The following NKAIN2 variants were observed in gnomAD, a reference collection of about 807,000 sequenced individuals.
NKAIN2 encodes the protein sodium/potassium-transporting ATPase subunit beta-1-interacting protein 2.
In NKAIN2, 14 loss-of-function variants were observed where a neutral mutation model predicts 32.6. That is an observed-to-expected ratio of 0.43 (90% CI 0.28 to 0.67). NKAIN2 has a LOEUF of 0.67. Ranked by LOEUF, NKAIN2 falls within the 30% of genes least tolerant of loss-of-function variation. The probability of loss-of-function intolerance (pLI) is 0.17; values close to 1 mark genes in which losing one functional copy is unlikely to be tolerated. For missense variants in NKAIN2, 198 were observed against 258.3 expected (o/e 0.77, Z 1.60); for synonymous variants, 80 against 87.2 (o/e 0.92, Z 0.46).
chr6:123,836,146 C>T (rs1248653519), intron 1 of NKAIN2, among the ~76,000 whole-genome samples: 1 of 151,870 alleles, frequency 6.6e-6, no homozygotes, highest in Non-Finnish European at 1.5e-5. Flanking sequence ...GATAATGCCT[C>T]ATTATATAAA....
At position 124,159,138 on chromosome 6, in the gene NKAIN2, T is replaced by G. The variant is rs77929403; in HGVS notation, c.55-123867T>G. Among the ~76,000 whole-genome samples, 242 of 152,340 alleles carry G rather than the reference T, an allele frequency of 1.6e-3. 4 individuals carry two copies. The highest frequency in any genetic ancestry group is 4.9e-3 in the African/African-American group (204 of 41,580). ...TTGTTTCTCTATACATTTCCATATT[T>G]GTTTCTCCATCAACCTTACAATAAT... is the stretch of plus-strand genomic sequence containing the variant. On this transcript the variant is annotated intron_variant, in intron 1 of 6. Coordinates refer to ENST00000368417, the MANE Select transcript of NKAIN2 (RefSeq NM_001040214.3).
chr6:124,750,911 G>T (rs1583791286), intron 4 of NKAIN2, among the ~76,000 whole-genome samples: 1 of 151,802 alleles, frequency 6.6e-6, no homozygotes, highest in Middle Eastern at 3.2e-3. Context: ...GAGATTTTAT[G>T]GTGGAATCAC....
intron 4 of NKAIN2, among the ~76,000 whole-genome samples, chr6:124,756,365 T>G (rs1307201169): frequency 1.3e-5 from 2 of 152,136 alleles, no homozygotes; most frequent in South Asian, 2.1e-4. Flanking sequence ...TCGTTTTTGT[T>G]TGTTTGTTTG....
chr6:123,991,956 T>C (rs113204527), intron 1 of NKAIN2, among the ~76,000 whole-genome samples: 215 of 152,162 alleles, frequency 1.4e-3, no homozygotes, highest in African/African-American at 5.0e-3. Flanking sequence ...CTTCTATAGG[T>C]TGGCTAGGTT....
chr6:124,464,248 G>A (rs531130262), intron 3 of NKAIN2, among the ~76,000 whole-genome samples: 15 of 152,050 alleles, frequency 9.9e-5, no homozygotes, highest in Admixed American at 5.9e-4. Flanking sequence ...TCAGTCTCCC[G>A]AAGTGCTGGG....
At chr6:124,186,906 T>C (rs1202504912) in intron 1 of NKAIN2, among the ~76,000 whole-genome samples, 13 of 152,178 alleles carry the variant, frequency 8.5e-5, no homozygotes, top group Non-Finnish European at 1.9e-4. Context: ...GGCTGATTTT[T>C]ATAATCCTTC....
At position 124,721,329 on chromosome 6, in the gene NKAIN2, G is replaced by A. The variant is rs373836933; in HGVS notation, c.474+62943G>A. 2.4e-4 allele frequency among the ~76,000 whole-genome samples: 36 copies of A among 151,088 alleles called. No individual in the cohort carries two copies. The East Asian group carries it at 4.1e-3, about 17-fold the overall frequency. On this transcript the variant is annotated intron_variant, in intron 4 of 6. Transcript: ENST00000368417. The stretch of plus-strand genomic sequence containing the variant: ...TGAGGCAGGAGAATGGCGTGAACCC[G>A]GAAGGCGGAGCTTGCAGTGAGCGGA...
chr6:124,164,591 A>G (rs77939063), intron 1 of NKAIN2, among the ~76,000 whole-genome samples: 8,404 of 152,158 alleles, frequency 0.055, 435 homozygotes, highest in African/African-American at 0.12. Context: ...CATCCAATAG[A>G]CACATGTTAT....
intron 1 of NKAIN2, among the ~76,000 whole-genome samples, chr6:124,072,625 A>G (rs539880460): frequency 6.6e-6 from 1 of 152,130 alleles, no homozygotes; most frequent in Non-Finnish European, 1.5e-5. Flanking sequence ...CCTCTAGGCC[A>G]CTCACTTTGC....
chr6:124,411,311 G>A (rs1390838540), intron 3 of NKAIN2, among the ~76,000 whole-genome samples: 2 of 151,968 alleles, frequency 1.3e-5, no homozygotes. Context: ...TTTTTGCAGT[G>A]GCTGGTACCG....
At chr6:124,277,902 A>G (rs980431079) in intron 1 of NKAIN2, among the ~76,000 whole-genome samples, 5 of 151,716 alleles carry the variant, frequency 3.3e-5, no homozygotes, top group African/African-American at 1.2e-4. Flanking sequence ...CTGTTTCATC[A>G]TCATAGTTTC....
At chr6:124,781,406 A>C (rs1779259478) in intron 4 of NKAIN2, among the ~76,000 whole-genome samples, 1 of 152,154 alleles carries the variant, frequency 6.6e-6, no homozygotes, top group Admixed American at 6.5e-5. Flanking sequence ...GAATATAGTG[A>C]ACAGTAATGG....
Position 124,515,708 on chromosome 6 carries a change from T to TCTTTCCCTTCTTTCTTTG in NKAIN2, c.274-142478_274-142477insCTTTCCCTTCTTTCTTTG, listed in dbSNP as rs1778884180. ...ACTTCCCTACTTCATTTTTCTTCGC[T>TCTTTCCCTTCTTTCTTTG]TTCTCTCCGTCTCGCTCTGTCGCCC... On this transcript the variant is annotated intron_variant, in intron 3 of 6. Coordinates refer to ENST00000368417, the MANE Select transcript of NKAIN2 (RefSeq NM_001040214.3). 4.1e-3 allele frequency among the ~76,000 whole-genome samples: 14 copies of TCTTTCCCTTCTTTCTTTG among 3,434 alleles called. 4 individuals are homozygous for TCTTTCCCTTCTTTCTTTG. The highest frequency in any genetic ancestry group is 0.17 in the South Asian group (1 of 6). The allele number at this position is 3,434 out of a possible 152,430, so 2.3% of individuals were successfully genotyped here.
chr6:124,027,254 C>T (rs1361388820), intron 1 of NKAIN2, among the ~76,000 whole-genome samples: 1 of 151,850 alleles, frequency 6.6e-6, no homozygotes, highest in East Asian at 1.9e-4. Flanking sequence ...ATTCTCCTGC[C>T]TAAGCCTCCC....
chr6:123,946,222 G>A (rs574724202), intron 1 of NKAIN2, among the ~76,000 whole-genome samples: 2 of 152,236 alleles, frequency 1.3e-5, no homozygotes, highest in African/African-American at 4.8e-5. Flanking sequence ...TTACATTTAA[G>A]TAAATGATTT....
At chr6:123,923,313 A>C (rs1775844213) in intron 1 of NKAIN2, among the ~76,000 whole-genome samples, 1 of 152,038 alleles carries the variant, frequency 6.6e-6, no homozygotes, top group Non-Finnish European at 1.5e-5. Flanking sequence ...TGGTTTGTTT[A>C]GTTTGTATTA....
chr6:124,359,237 G>T (rs1169049880), intron 3 of NKAIN2, among the ~76,000 whole-genome samples: 1 of 150,974 alleles, frequency 6.6e-6, no homozygotes, highest in African/African-American at 2.4e-5. Context: ...TTTGGCTTAG[G>T]ATTGACTTGG....
At chr6:124,017,577 A>G (rs1780639998) in intron 1 of NKAIN2, among the ~76,000 whole-genome samples, 1 of 152,186 alleles carries the variant, frequency 6.6e-6, no homozygotes, top group Admixed American at 6.6e-5. Context: ...GTAAACAGCC[A>G]TTCCAAATGG....
chr6:124,390,675 G>A (rs1256727321), intron 3 of NKAIN2: 2 of 152,068 alleles, frequency 1.3e-5, no homozygotes, highest in African/African-American at 4.8e-5. Context: ...TCTACCTATG[G>A]GGCTTTCCCT....
Sources: gnomAD v4.1 joint callset for allele counts (sites outside exome capture counted in the v4.1 genomes callset) on GRCh38, gnomAD v4.1.1 for gene constraint, MANE v1.5 for transcripts, NCBI Gene and HGNC (gene_info 2026-07-23, HGNC 2026-07-21) for gene names.